MID1: variants seen among roughly 807,000 people sequenced by gnomAD.
MID1 encodes the protein midline 1, also known as E3 ubiquitin-protein ligase Midline-1.
A neutral mutation model predicts 40.4 loss-of-function variants in MID1; 7 were observed. The observed-to-expected ratio is 0.17, with a 90% CI of 0.10 to 0.33. The LOEUF is 0.33. MID1 is among the 10% of genes least tolerant of loss of function. MID1 has a pLI of 1.00. For synonymous variants in MID1, 229 were observed against 221.2 expected (o/e 1.04, Z -0.31); for missense variants, 367 against 558.5 (o/e 0.66, Z 3.46).
intron 2 of MID1, among the ~76,000 whole-genome samples, chrX:10,565,839 T>A (rs1433702976): frequency 1.9e-5 from 2 of 103,351 alleles, no homozygotes; most frequent in Non-Finnish European, 3.9e-5. Context: ...AGAGAGAGTC[T>A]CGCTCTTTCA....
intron 1 of MID1, among the ~76,000 whole-genome samples, chrX:10,697,400 A>G (rs1163178248): frequency 8.9e-6 from 1 of 111,767 alleles, no homozygotes; most frequent in African/African-American, 3.3e-5. Flanking sequence ...AGAAAAACCA[A>G]AAGAAGCTTG....
intron 1 of MID1, among the ~76,000 whole-genome samples, chrX:10,727,575 C>G (rs779420082): frequency 2.9e-4 from 32 of 111,861 alleles, no homozygotes; most frequent in Non-Finnish European, 4.1e-4. Context: ...AATCATCATT[C>G]TAATATCCAA....
chrX:10,720,738 C>T (rs1480606495), intron 1 of MID1, among the ~76,000 whole-genome samples: 1 of 111,126 alleles, frequency 9.0e-6, no homozygotes, highest in Non-Finnish European at 1.9e-5. Flanking sequence ...GTTATAAAGA[C>T]ACATGCACAC....
intron 1 of MID1, among the ~76,000 whole-genome samples, chrX:10,762,337 G>C (rs1423712094): frequency 9.0e-6 from 1 of 110,587 alleles, no homozygotes; most frequent in Non-Finnish European, 1.9e-5. Flanking sequence ...TTTTGCCCAG[G>C]GTCCAAAAGG....
chrX:10,786,920 T>C (rs1164009469), intron 1 of MID1, among the ~76,000 whole-genome samples: 4 of 106,845 alleles, frequency 3.7e-5, no homozygotes, highest in African/African-American at 1.4e-4. Flanking sequence ...GGCACATGTA[T>C]ACATATGTAA....
At chrX:10,798,967 ATT>A (rs1200014600) in intron 1 of MID1, among the ~76,000 whole-genome samples, 13 of 111,181 alleles carry the variant, frequency 1.2e-4, no homozygotes, top group South Asian at 3.8e-4. Context: ...TTGTGGGTGA[ATT>A]TTTTTTCTTC....
chrX:10,814,716 C>T lies in MID1; in HGVS notation c.-187+18838G>A, dbSNP rs188428096. Among the ~76,000 whole-genome samples, 20 of 111,074 alleles carry T rather than the reference C, an allele frequency of 1.8e-4. No homozygotes were observed. The East Asian group carries it at 5.4e-3, about 30-fold the overall frequency. ...TCCACCTCCCTCCTGCCCCCCTATC[C>T]TTAGCTCCTGGCAACTACTAATCTG... On this transcript the variant is annotated intron_variant, in intron 1 of 10. Coordinates refer to the MID1 transcript ENST00000380785.
chrX:10,788,968 CAAAACAAAAACA>C (rs1159577345), intron 1 of MID1, among the ~76,000 whole-genome samples: 2 of 110,984 alleles, frequency 1.8e-5, no homozygotes, highest in African/African-American at 6.6e-5. Flanking sequence ...TTGTCTCTAC[CAAAACAAAAACA>C]AAAACAAAAA....
chrX:10,533,395 G>GAGAAAGAAAGA (rs1933095564), intron 2 of MID1, among the ~76,000 whole-genome samples: 1 of 32,931 alleles, frequency 3.0e-5, no homozygotes, highest in East Asian at 1.1e-3. Context: ...AGAAAGAAAA[G>GAGAAAGAAAGA]AAAGAAAGAA....
At chrX:10,633,604 A>T (rs774990438) in intron 1 of MID1, among the ~76,000 whole-genome samples, 1 of 110,481 alleles carries the variant, frequency 9.1e-6, no homozygotes, top group Non-Finnish European at 1.9e-5. Flanking sequence ...GGTGCACACC[A>T]CCATGCCTGG....
At chrX:10,511,495 T>C (rs1235840648) in intron 3 of MID1, among the ~76,000 whole-genome samples, 2 of 111,525 alleles carry the variant, frequency 1.8e-5, no homozygotes, top group Non-Finnish European at 3.8e-5. Flanking sequence ...GTGATCCTCC[T>C]GCTTCAGACT....
At chrX:10,811,419 G>A (rs928916063) in intron 1 of MID1, among the ~76,000 whole-genome samples, 1 of 112,236 alleles carries the variant, frequency 8.9e-6, no homozygotes. Context: ...CCTGTTTTAC[G>A]GATGAGGAAT....
intron 1 of MID1, among the ~76,000 whole-genome samples, chrX:10,704,739 T>TATATATACAC (rs1233692170): frequency 1.2e-5 from 1 of 82,207 alleles, no homozygotes; most frequent in African/African-American, 5.3e-5. Context: ...TATATATATA[T>TATATATACAC]ACACACACAC....
At chrX:10,511,004 G>GGA (rs1227451156) in intron 3 of MID1, among the ~76,000 whole-genome samples, 5 of 109,856 alleles carry the variant, frequency 4.6e-5, no homozygotes, top group African/African-American at 1.7e-4. Context: ...CAGCACTTTG[G>GGA]GAGGCCAAGG....
At chrX:10,832,986 G>A (rs1429883651) in intron 1 of MID1, among the ~76,000 whole-genome samples, 2 of 112,492 alleles carry the variant, frequency 1.8e-5, no homozygotes, top group African/African-American at 3.2e-5. Flanking sequence ...ACGCAAGAGC[G>A]AGTTTCTTTA....
chrX:10,558,082 C>A (rs1329211381), intron 2 of MID1, among the ~76,000 whole-genome samples: 130 of 94,467 alleles, frequency 1.4e-3, no homozygotes, highest in African/African-American at 5.5e-3. Flanking sequence ...AAAAAAAAAA[C>A]ACTTCACTAT....
At chrX:10,784,209 T>A (rs1043886066) in intron 1 of MID1, among the ~76,000 whole-genome samples, 1 of 110,836 alleles carries the variant, frequency 9.0e-6, no homozygotes, top group African/African-American at 3.3e-5. Context: ...TTATAGGGAT[T>A]ACATACCCAC....
At chrX:10,610,413 G>T (rs1398579263) in intron 1 of MID1, among the ~76,000 whole-genome samples, 3 of 111,731 alleles carry the variant, frequency 2.7e-5, no homozygotes, top group African/African-American at 9.8e-5. Flanking sequence ...TGACTAGTAG[G>T]GGAAGGGTCA....
At chrX:10,676,331 G>A (rs2043023036) in intron 1 of MID1, among the ~76,000 whole-genome samples, 2 of 112,113 alleles carry the variant, frequency 1.8e-5, no homozygotes, top group Non-Finnish European at 3.8e-5. Context: ...CCAGCCCTTT[G>A]TACCAGAAAC....
Sources: allele counts gnomAD v4.1 joint callset (sites outside exome capture counted in the v4.1 genomes callset), GRCh38; gene constraint gnomAD v4.1.1; transcripts MANE v1.5; gene names NCBI Gene and HGNC (gene_info 2026-07-23, HGNC 2026-07-21).